The following ADAMTSL1 variants were observed in gnomAD, a reference collection of about 807,000 sequenced individuals.
The protein encoded by ADAMTSL1 is ADAMTS-like protein 1.
Under a neutral mutation model 201.8 loss-of-function variants are expected in ADAMTSL1, and 126 were observed. The ratio of observed to expected loss-of-function variants is 0.62; its 90% confidence interval spans 0.54 to 0.72. ADAMTSL1 has a LOEUF of 0.72. Among genes scored for constraint, ADAMTSL1 ranks in the 30% least tolerant of loss-of-function variants. The pLI is 0.00. For synonymous variants in ADAMTSL1, 1,121 were observed against 903.4 expected (o/e 1.24, Z -4.32); for missense variants, 2,679 against 2,277.8 (o/e 1.18, Z -3.59).
chr9:18,314,849 T>C (rs1451131524), intron 2 of ADAMTSL1, among the ~76,000 whole-genome samples: 1 of 123,482 alleles, frequency 8.1e-6, no homozygotes, highest in African/African-American at 3.1e-5. Context: ...CAGGCTGGAG[T>C]GCAGTGGCGC....
intron 2 of ADAMTSL1, among the ~76,000 whole-genome samples, chr9:18,455,150 AG>A (rs1820553229): frequency 6.6e-6 from 1 of 152,190 alleles, no homozygotes; most frequent in Admixed American, 6.5e-5. Context: ...TTTATTGCAA[AG>A]TAAGCTTTAG....
chr9:18,294,409 G>A (rs932206441), intron 2 of ADAMTSL1, among the ~76,000 whole-genome samples: 2 of 152,226 alleles, frequency 1.3e-5, no homozygotes, highest in Non-Finnish European at 2.9e-5. Context: ...CCCAGCCATA[G>A]GAGTGAAGAG....
chr9:17,980,280 T>A (rs2149918), intron 1 of ADAMTSL1, among the ~76,000 whole-genome samples: 6,690 of 152,274 alleles, frequency 0.044, 222 homozygotes, highest in Non-Finnish European at 0.06. Flanking sequence ...AGGGGATGTG[T>A]GTCAGAAATT....
intron 26 of ADAMTSL1, among the ~76,000 whole-genome samples, chr9:18,899,447 T>C (rs1471632064): frequency 2.6e-5 from 4 of 152,176 alleles, no homozygotes; most frequent in Non-Finnish European, 5.9e-5. Flanking sequence ...GAAAAAACTA[T>C]TTTAAAATTC....
In ADAMTSL1 at chr9:18,084,543, G is replaced by GA. The variant is rs1002064729; in HGVS notation, c.88-79310dup. On this transcript the variant is annotated intron_variant, in intron 1 of 29. Coordinates refer to the ADAMTSL1 transcript ENST00000680146. ...TCTCAAAAAAAAAAGAAAAGAAAAA[G>GA]AAAAAAAAAGAGGTGGTGATGGAAT... Among the ~76,000 whole-genome samples the GA allele has an allele frequency of 3.2e-4, 48 of 149,256 alleles. 1 individual carries two copies. In the South Asian group the frequency reaches 8.8e-3, roughly 27 times the overall value.
At chr9:18,383,859 G>A (rs1488663626) in intron 2 of ADAMTSL1, among the ~76,000 whole-genome samples, 1 of 152,140 alleles carries the variant, frequency 6.6e-6, no homozygotes, top group African/African-American at 2.4e-5. Context: ...TGACAACAGT[G>A]CTCCTGAAAC....
chr9:17,989,046 T>A (rs1819041284), intron 1 of ADAMTSL1, among the ~76,000 whole-genome samples: 2 of 151,964 alleles, frequency 1.3e-5, no homozygotes, highest in Non-Finnish European at 2.9e-5. Flanking sequence ...GATTATACCC[T>A]CCCACTGAAA....
chr9:18,171,148 A>T (rs1827870457), intron 2 of ADAMTSL1, among the ~76,000 whole-genome samples: 1 of 152,094 alleles, frequency 6.6e-6, no homozygotes, highest in Non-Finnish European at 1.5e-5. Context: ...AAACAGTGTG[A>T]TATTAGAACG....
At chr9:18,029,366 C>G (rs1437705274) in intron 1 of ADAMTSL1, among the ~76,000 whole-genome samples, 2 of 152,158 alleles carry the variant, frequency 1.3e-5, no homozygotes, top group African/African-American at 4.8e-5. Context: ...GAAACTGGAT[C>G]CCTTCCTTAT....
At chr9:18,261,989 T>A (rs1012886188) in intron 2 of ADAMTSL1, among the ~76,000 whole-genome samples, 1 of 152,158 alleles carries the variant, frequency 6.6e-6, no homozygotes, top group African/African-American at 2.4e-5. Flanking sequence ...GAATTTCCCA[T>A]CTGACTTAAA....
At chr9:18,253,517 A>T (rs1157836701) in intron 2 of ADAMTSL1, among the ~76,000 whole-genome samples, 2 of 152,196 alleles carry the variant, frequency 1.3e-5, no homozygotes, top group Non-Finnish European at 2.9e-5. Context: ...CCCCATTACT[A>T]TAGGAAGCGT....
At chr9:18,730,264 C>T (rs760024977) in intron 15 of ADAMTSL1, among the ~76,000 whole-genome samples, 1 of 152,080 alleles carries the variant, frequency 6.6e-6, no homozygotes. Context: ...TTACTATGTT[C>T]CTTAAACTTG....
At chr9:18,320,360 A>G (rs1169575547) in intron 2 of ADAMTSL1, among the ~76,000 whole-genome samples, 1 of 152,224 alleles carries the variant, frequency 6.6e-6, no homozygotes, top group Admixed American at 6.5e-5. Context: ...ATGCATCAAT[A>G]TCTTTAAAGT....
intron 1 of ADAMTSL1, among the ~76,000 whole-genome samples, chr9:18,030,313 C>T (rs1451563835): frequency 5.9e-5 from 9 of 151,994 alleles, no homozygotes; most frequent in African/African-American, 9.7e-5. Context: ...AACCAAACAC[C>T]ACATGTTCTC....
intron 23 of ADAMTSL1, among the ~76,000 whole-genome samples, chr9:18,832,547 G>C (rs539256847): frequency 6.6e-6 from 1 of 152,290 alleles, no homozygotes; most frequent in South Asian, 2.1e-4. Context: ...TAGTGGGAGA[G>C]ATTTAATGAA....
chr9:18,516,061 T>G (rs896144764), intron 2 of ADAMTSL1, among the ~76,000 whole-genome samples: 1 of 133,610 alleles, frequency 7.5e-6, no homozygotes, highest in Non-Finnish European at 1.6e-5. Context: ...CATCCATCCC[T>G]CCAGCTCCTC....
intron 1 of ADAMTSL1, among the ~76,000 whole-genome samples, chr9:18,026,595 G>A (rs1027811428): frequency 3.3e-5 from 5 of 152,066 alleles, no homozygotes; most frequent in African/African-American, 1.2e-4. Context: ...TGTGCTGCTG[G>A]ATTTAGTTTG....
chr9:18,302,286 T>C (rs1236732392), intron 2 of ADAMTSL1, among the ~76,000 whole-genome samples: 2 of 152,156 alleles, frequency 1.3e-5, no homozygotes, highest in Non-Finnish European at 2.9e-5. Flanking sequence ...GAGATACTGA[T>C]ACATTTCCTA....
intron 1 of ADAMTSL1, among the ~76,000 whole-genome samples, chr9:17,961,508 C>G (rs1326779966): frequency 1.3e-5 from 2 of 152,158 alleles, no homozygotes; most frequent in African/African-American, 4.8e-5. Context: ...GCCTCAGCCT[C>G]TCAGAGTGCT....
Sources: gnomAD v4.1 joint callset for allele counts (sites outside exome capture counted in the v4.1 genomes callset) on GRCh38, gnomAD v4.1.1 for gene constraint, MANE v1.5 for transcripts, NCBI Gene and HGNC (gene_info 2026-07-23, HGNC 2026-07-21) for gene names.